The following SOX30 variants were observed in gnomAD, a reference collection of about 807,000 sequenced individuals.
SOX30 encodes SRY-box transcription factor 30, also known as transcription factor SOX-30.
Under a neutral mutation model 58.6 loss-of-function variants are expected in SOX30, and 17 were observed. The ratio of observed to expected loss-of-function variants is 0.29; its 90% CI spans 0.20 to 0.44. The LOEUF is 0.44. Among genes scored for constraint, SOX30 ranks in the 20% least tolerant of loss-of-function variants. The pLI is 1.00. For missense variants in SOX30, 951 were observed against 965.8 expected, an observed-to-expected ratio of 0.98 and a Z score of 0.20; for synonymous variants, 421 against 400.2, an observed-to-expected ratio of 1.05 and a Z score of -0.62.
At chr5:157,637,332 G>A (rs1362564882) in intron 4 of SOX30, among the ~76,000 whole-genome samples, 1 of 152,066 alleles carries the variant, frequency 6.6e-6, no homozygotes. Context: ...GCACAAAGAG[G>A]TAGTATAACT....
At chr5:157,648,022 T>A (rs931338070) in intron 2 of SOX30, among the ~76,000 whole-genome samples, 6 of 152,224 alleles carry the variant, frequency 3.9e-5, no homozygotes, top group African/African-American at 1.2e-4. Flanking sequence ...CTGTAGTTGC[T>A]GCCTCTGACC....
At chr5:157,647,542 T>C (rs529238210) in intron 2 of SOX30, among the ~76,000 whole-genome samples, 3 of 152,048 alleles carry the variant, frequency 2.0e-5, no homozygotes, top group Admixed American at 2.0e-4. Flanking sequence ...TACAATGCAA[T>C]AGTCACTAAT....
chr5:157,639,407 G>A (rs536915376), intron 3 of SOX30, among the ~76,000 whole-genome samples: 32 of 149,744 alleles, frequency 2.1e-4, no homozygotes, highest in African/African-American at 5.9e-4. Flanking sequence ...AATTTTTTTC[G>A]TTGAAAAAAA....
chr5:157,650,235 TC>T (rs1246328533), intron 1 of SOX30, among the ~76,000 whole-genome samples: 7 of 152,042 alleles, frequency 4.6e-5, no homozygotes, highest in African/African-American at 1.7e-4. Context: ...GCTTTCCCTT[TC>T]TTTCCTTTAG....
chr5:157,662,998 T>A (rs761211459), intron 2 of SOX30, among the ~76,000 whole-genome samples: 3 of 152,184 alleles, frequency 2.0e-5, no homozygotes, highest in Non-Finnish European at 4.4e-5. Flanking sequence ...ACCAGATGGA[T>A]TCACAGCCGA....
At chr5:157,629,692 ATATGT>A (rs1399731386) in intron 4 of SOX30, among the ~76,000 whole-genome samples, 1 of 152,244 alleles carries the variant, frequency 6.6e-6, no homozygotes, top group East Asian at 1.9e-4. Flanking sequence ...CAAGGAGTGT[ATATGT>A]TATTTCAATA....
At position 157,638,710 on chromosome 5, in the gene SOX30, G is replaced by A. The variant is rs1050276877; in HGVS notation, c.1400C>T (p.Pro467Leu). 3.1e-6 allele frequency: 5 copies of A among 1,604,854 alleles called. No homozygotes were observed. Among genetic ancestry groups the A allele is most frequent in the Non-Finnish European group, 4.3e-6 (5 of 1,174,954 alleles). ...TGCAGGTGTGGGCAGCTGGATAGCA[G>A]GTGAGGTTTCACCTTTAGAAATAAA... ...PITHPVGETSPAIQLPTPAVQ... is the reference protein window; with the variant it reads ...PITHPVGETSLAIQLPTPAVQ... The change falls in exon 4 of 5, where the codon CCT (proline) becomes CTT (leucine). Residue 467 changes from proline (P) to leucine (L), a missense_variant. Physicochemically the swap from Pro to Leu is moderately conservative, Grantham distance 98. Around this residue, in one of 7 missense-constraint regions of SOX30, gnomAD observed 381 missense variants for 390.0 expected, o/e 0.98. Transcript: ENST00000265007.
In SOX30 at chr5:157,651,821, G is replaced by A; in HGVS notation, c.258C>T (p.Ala86=). 1 of 1,586,826 alleles carries A rather than the reference G, an allele frequency of 6.3e-7. No individual in the cohort carries two copies. Among genetic ancestry groups the A allele is most frequent in the Admixed American group, 1.8e-5 (1 of 57,054 alleles). The part of the protein sequence containing the change: ...EQVLLLPQPQ[A]QNEEAAASSA... ...ACGAGGCAGCGGCTTCCTCGTTCTG[G>A]GCCTGAGGCTGTGGTAGCAGCAACA... Residue 86 remains alanine (A), a synonymous_variant, in exon 1 of 5, where the codon GCC becomes GCT. Coordinates refer to ENST00000265007, the MANE Select transcript of SOX30 (RefSeq NM_178424.2).
chr5:157,646,557 CAGAA>C, intron 3 of SOX30, 76 bp downstream of exon 3: 1 of 1,012,092 alleles, frequency 9.9e-7, no homozygotes, highest in Non-Finnish European at 1.5e-6. Flanking sequence ...TTAAGACTAA[CAGAA>C]AGAACACTTC....
intron 1 of SOX30, among the ~76,000 whole-genome samples, chr5:157,669,801 G>A (rs1034828989): frequency 6.6e-6 from 1 of 152,188 alleles, no homozygotes; most frequent in Non-Finnish European, 1.5e-5. Flanking sequence ...TTACAGGCAT[G>A]AGCCACGGCA....
chr5:157,669,620 G>A (rs983405101), intron 1 of SOX30, among the ~76,000 whole-genome samples: 8 of 151,972 alleles, frequency 5.3e-5, no homozygotes, highest in Admixed American at 4.6e-4. Flanking sequence ...GGGTTCGACT[G>A]ATTCTCGTGC....
Position 157,626,232 on chromosome 5 carries a change from C to A in SOX30, c.*108G>T. The A allele has an allele frequency of 9.6e-7, 1 of 1,042,462 alleles. No individual in the cohort carries two copies. The highest frequency in any genetic ancestry group is 1.3e-6 in the Non-Finnish European group (1 of 750,236). 64.6% of individuals were successfully genotyped at this position (1,042,462 alleles called of 1,614,324 possible). On this transcript the variant is annotated 3_prime_UTR_variant, in exon 5 of 5. Transcript: ENST00000265007. The stretch of plus-strand genomic sequence containing the variant: ...CATTTGGTTTTAACTCCTCAAATCA[C>A]GACTGAAAACTTTCAACAAAGAATT...
intron 2 of SOX30, among the ~76,000 whole-genome samples, chr5:157,647,060 AAT>A (rs1491332158): frequency 2.3e-5 from 3 of 131,748 alleles, no homozygotes; most frequent in Non-Finnish European, 4.6e-5. Context: ...AAGAGGGTCA[AAT>A]TTTTTTTTTT....
chr5:157,657,951 C>G (rs538242256), intron 2 of SOX30, among the ~76,000 whole-genome samples: 1 of 152,308 alleles, frequency 6.6e-6, no homozygotes, highest in East Asian at 1.9e-4. Context: ...ATAAAAGCCC[C>G]TTGGGGAATT....
chr5:157,647,251 C>CG (rs1323854677), intron 2 of SOX30, among the ~76,000 whole-genome samples: 1 of 152,026 alleles, frequency 6.6e-6, no homozygotes, highest in South Asian at 2.1e-4. Flanking sequence ...TTAGTAGAGA[C>CG]GGGGTTTCTC....
rs1290784918 is a variant in SOX30, at chr5:157,651,767, C to A, written c.312G>T (p.Arg104Ser). The stretch of plus-strand genomic sequence containing the variant: ...GCGGCTGCAGGAGCCGCAGGTCGGG[C>A]CTGAACTGCAACAGCCGCGCCTGCG... ...SSAQARLLQF[R>S]PDLRLLQPPT... The change falls in exon 1 of 5, where the codon AGG (arginine) becomes AGT (serine). Residue 104 changes from arginine (R) to serine (S), a missense_variant. By Grantham distance (110) the Arg-to-Ser change is moderately radical (BLOSUM62 -1). Around this residue, in one of 7 missense-constraint regions of SOX30, gnomAD observed 363 missense variants for 294.5 expected, o/e 1.23. Coordinates refer to ENST00000265007, the MANE Select transcript of SOX30 (RefSeq NM_178424.2). 2.6e-6 allele frequency: 4 copies of A among 1,559,252 alleles called. No individual in the cohort carries two copies. The Admixed American group carries it at 5.7e-5, about 22-fold the overall frequency.
intron 2 of SOX30, among the ~76,000 whole-genome samples, chr5:157,657,883 C>T (rs558706224): frequency 1.1e-3 from 166 of 152,306 alleles, no homozygotes; most frequent in African/African-American, 3.1e-3. Context: ...ATTTTACCAA[C>T]GCTTTGACTG....
Position 157,651,735 on chromosome 5 carries a change from G to T in SOX30, c.344C>A (p.Ala115Glu), listed in dbSNP as rs546357113. 3.2e-6 allele frequency: 5 copies of T among 1,560,014 alleles called. No individual in the cohort carries two copies. The highest frequency in any genetic ancestry group is 4.3e-6 in the Non-Finnish European group (5 of 1,155,494). ...GGGCCTGGAGGTGGCGCCGTCTGAC[G>T]CTGTCGGCGGCTGCAGGAGCCGCAG... The part of the protein sequence containing the change: ...PDLRLLQPPT[A>E]SDGATSRPEL... The change falls in exon 1 of 5, where the codon GCG (alanine) becomes GAG (glutamate). Residue 115 changes from alanine (A) to glutamate (E), a missense_variant. Ala to Glu is a moderately radical substitution (Grantham distance 107). This residue lies in a region of SOX30 where 363 missense variants were observed against 294.5 expected (regional missense o/e 1.23). Transcript: ENST00000265007.
At chr5:157,657,623 C>A (rs1759500208) in intron 2 of SOX30, among the ~76,000 whole-genome samples, 3 of 152,132 alleles carry the variant, frequency 2.0e-5, no homozygotes, top group Admixed American at 6.5e-5. Flanking sequence ...GCTTAAAATG[C>A]TGCTGATCCT....
Sources: gnomAD v4.1 joint callset for allele counts (sites outside exome capture counted in the v4.1 genomes callset) on GRCh38, gnomAD v4.1.1 for gene constraint, gnomAD v4.1.1 regional missense constraint, MANE v1.5 for transcripts, NCBI Gene and HGNC (gene_info 2026-07-23, HGNC 2026-07-21) for gene names.